The following RBFOX1 variants were observed in gnomAD, a reference collection of about 807,000 sequenced individuals.
RBFOX1 encodes the protein RNA binding fox-1 homolog 1, also known as RNA binding protein fox-1 homolog 1.
A neutral mutation model predicts 57.7 loss-of-function variants in RBFOX1; 8 were observed. The observed-to-expected ratio is 0.14, with a 90% CI of 0.08 to 0.25. The LOEUF is 0.25. Among genes scored for constraint, RBFOX1 ranks in the 10% least tolerant of loss-of-function variants. RBFOX1 has a pLI of 1.00. For missense variants in RBFOX1, 611 were observed against 548.5 expected, an observed-to-expected ratio of 1.11 and a Z score of -1.14; for synonymous variants, 326 against 222.4, an observed-to-expected ratio of 1.47 and a Z score of -4.15.
intron 4 of RBFOX1, among the ~76,000 whole-genome samples, chr16:7,181,870 G>C (rs1192582315): frequency 6.6e-6 from 1 of 152,112 alleles, no homozygotes; most frequent in Non-Finnish European, 1.5e-5. Context: ...CCCCAGAGGA[G>C]AGCTTTCTGA....
intron 3 of RBFOX1, among the ~76,000 whole-genome samples, chr16:7,029,134 A>ACG (rs2042010359): frequency 1.0e-5 from 1 of 96,650 alleles, no homozygotes; most frequent in Non-Finnish European, 2.0e-5. Flanking sequence ...ATACGTATAT[A>ACG]TATATGTGTA....
At chr16:6,895,490 A>ATT (rs2066657592) in intron 3 of RBFOX1, among the ~76,000 whole-genome samples, 1 of 123,580 alleles carries the variant, frequency 8.1e-6, no homozygotes, top group Non-Finnish European at 1.7e-5. Flanking sequence ...ATATATATTT[A>ATT]TTCCCCTATT....
At chr16:7,671,449 G>C in intron 13 of RBFOX1, 2 of 1,067,682 alleles carry the variant, frequency 1.9e-6, no homozygotes, top group Non-Finnish European at 2.8e-6. Flanking sequence ...TGAAGTAAGA[G>C]AGAAGCAAAC....
At chr16:5,590,618 C>G (rs191680508) in intron 2 of RBFOX1, among the ~76,000 whole-genome samples, 10 of 152,254 alleles carry the variant, frequency 6.6e-5, no homozygotes, top group Admixed American at 3.3e-4. Context: ...GCCAAAGATT[C>G]AAATTCACTC....
At chr16:6,085,191 A>G (rs747991558) in intron 1 of RBFOX1, among the ~76,000 whole-genome samples, 39 of 152,080 alleles carry the variant, frequency 2.6e-4, no homozygotes, top group African/African-American at 8.7e-4. Context: ...CCTCCTGGCA[A>G]GACTTTCTCA....
intron 1 of RBFOX1, among the ~76,000 whole-genome samples, chr16:6,150,580 G>A (rs865974545): frequency 5.3e-5 from 8 of 152,138 alleles, no homozygotes; most frequent in Admixed American, 3.9e-4. Context: ...ATCACAGAGA[G>A]GTGTTATTCC....
At chr16:6,017,168 A>T (rs1255534423), upstream of RBFOX1, among the ~76,000 whole-genome samples, 1 of 152,254 alleles carries the variant, frequency 6.6e-6, no homozygotes, top group Non-Finnish European at 1.5e-5. Flanking sequence ...TTAATGTAAC[A>T]ACAGCTGATG....
chr16:7,114,050 C>G (rs1160051741), intron 4 of RBFOX1, among the ~76,000 whole-genome samples: 2 of 152,148 alleles, frequency 1.3e-5, no homozygotes. Flanking sequence ...GAGCAAAGAA[C>G]TGTCACCTCA....
Position 7,524,238 on chromosome 16 carries a change from C to A in RBFOX1, c.270+5849C>A, listed in dbSNP as rs187674786. 1.8e-4 allele frequency among the ~76,000 whole-genome samples: 28 copies of A among 152,306 alleles called. No homozygotes were observed. In the Middle Eastern group the frequency reaches 0.01, roughly 56 times the overall value. ...TCTAATATATGCACATGATTTAACA[C>A]AAAGTGCAGAATCTGTAAAAGGGAA... On this transcript the variant is annotated intron_variant, in intron 5 of 15. Transcript: ENST00000550418.
intron 4 of RBFOX1, among the ~76,000 whole-genome samples, chr16:7,219,115 G>T (rs760991595): frequency 3.4e-4 from 52 of 152,274 alleles, no homozygotes; most frequent in Non-Finnish European, 6.6e-4. Context: ...GCAGGCAGCT[G>T]AGCTGGCTTT....
At chr16:5,628,340 T>G (rs926127000) in intron 3 of RBFOX1, among the ~76,000 whole-genome samples, 1 of 152,192 alleles carries the variant, frequency 6.6e-6, no homozygotes, top group Non-Finnish European at 1.5e-5. Flanking sequence ...TTCTTTTCTT[T>G]TTTATTGCTT....
intron 4 of RBFOX1, among the ~76,000 whole-genome samples, chr16:7,425,660 C>T (rs1252846361): frequency 6.6e-6 from 1 of 152,100 alleles, no homozygotes; most frequent in African/African-American, 2.4e-5. Context: ...TTGTTAAGCC[C>T]TGAGAATAAG....
At chr16:5,595,647 G>A (rs1033559288) in intron 2 of RBFOX1, among the ~76,000 whole-genome samples, 1 of 152,220 alleles carries the variant, frequency 6.6e-6, no homozygotes, top group Non-Finnish European at 1.5e-5. Flanking sequence ...TCAGGGAAAA[G>A]ACCTGGGCTT....
At chr16:7,380,300 T>G (rs1404034938) in intron 4 of RBFOX1, among the ~76,000 whole-genome samples, 2 of 152,206 alleles carry the variant, frequency 1.3e-5, no homozygotes, top group Non-Finnish European at 1.5e-5. Context: ...TCTCCTTCCC[T>G]TTCTTCCTCC....
At chr16:7,036,665 C>T (rs4786961) in intron 3 of RBFOX1, among the ~76,000 whole-genome samples, 74,537 of 151,312 alleles carry the variant, frequency 0.49, 19,636 homozygotes, top group South Asian at 0.63. Flanking sequence ...TGCACTCCAG[C>T]CTCGTCGAAA....
At position 7,526,087 on chromosome 16, in the gene RBFOX1, T is replaced by A. The variant is rs949101961; in HGVS notation, c.270+7698T>A. 5.3e-5 allele frequency among the ~76,000 whole-genome samples: 8 copies of A among 152,174 alleles called. 1 individual carries two copies. Among genetic ancestry groups the A allele is most frequent in the Admixed American group, 4.6e-4 (7 of 15,282 alleles). ...TGTCAGATCAACAATGGCATTAGATTCTCAGAGAAGCGTGAACCCTATTGT... is the reference window on the plus strand; with the variant it reads ...TGTCAGATCAACAATGGCATTAGATACTCAGAGAAGCGTGAACCCTATTGT... On this transcript the variant is annotated intron_variant, in intron 5 of 15. Transcript: ENST00000550418.
chr16:5,536,524 G>C (rs1251649059), intron 2 of RBFOX1, among the ~76,000 whole-genome samples: 1 of 152,056 alleles, frequency 6.6e-6, no homozygotes, highest in African/African-American at 2.4e-5. Flanking sequence ...GTGTGAGCCA[G>C]CGCTCCTGGC....
intron 3 of RBFOX1, among the ~76,000 whole-genome samples, chr16:6,825,307 C>T (rs115086001): frequency 0.014 from 2,067 of 151,344 alleles, 52 homozygotes; most frequent in African/African-American, 0.048. Context: ...GTAGATATTG[C>T]CCATGTTCCC....
chr16:7,202,145 G>T (rs1005399926), intron 4 of RBFOX1, among the ~76,000 whole-genome samples: 5 of 152,020 alleles, frequency 3.3e-5, no homozygotes, highest in African/African-American at 1.2e-4. Context: ...GATTAAAATG[G>T]TTAAAGGACT....
Sources: gnomAD v4.1 joint callset for allele counts (sites outside exome capture counted in the v4.1 genomes callset) on GRCh38, gnomAD v4.1.1 for gene constraint, MANE v1.5 for transcripts, NCBI Gene and HGNC (gene_info 2026-07-23, HGNC 2026-07-21) for gene names.